The following TRIM63 variants were observed in gnomAD, a reference collection of about 807,000 sequenced individuals.
TRIM63 encodes E3 ubiquitin-protein ligase TRIM63.
Under a neutral mutation model 46.0 loss-of-function variants are expected in TRIM63, and 48 were observed. The observed-to-expected ratio is 1.04, with a 90% CI of 0.83 to 1.33. TRIM63 has a LOEUF of 1.33. Ranked by LOEUF, TRIM63 falls within the 40% of genes most tolerant of loss-of-function variation. The pLI is 0.00. For missense variants in TRIM63, 455 were observed against 441.2 expected (o/e 1.03, Z -0.28); for synonymous variants, 175 against 162.8 (o/e 1.08, Z -0.57).
chr1:26,058,620 TCTC>T lies in TRIM63; in HGVS notation c.598_600del (p.Glu200del). ...AGCTCTTCCTTTACCTGGTGACTGT[TCTC>T]CTGAGGACGGAAGTCTTGTGGTCAC... On this transcript the variant is annotated inframe_deletion and splice_region_variant, in exon 5 of 9. Transcript: ENST00000374272. 6.2e-7 allele frequency: 1 copy of T among 1,614,004 alleles called. No individual in the cohort carries two copies. The highest frequency in any genetic ancestry group is 8.5e-7 in the Non-Finnish European group (1 of 1,179,956).
In TRIM63 at chr1:26,067,628, T is replaced by C; in HGVS notation, c.-134A>G. On this transcript the variant is annotated 5_prime_UTR_variant, in exon 1 of 9. Coordinates refer to ENST00000374272, the MANE Select transcript of TRIM63 (RefSeq NM_032588.4). The stretch of plus-strand genomic sequence containing the variant: ...GGCTTCCTTCTCCTGGTGCCCGAAT[T>C]CTGTCTTGGTCTGAGGCCCCTCTGA... 1.1e-6 allele frequency: 1 copy of C among 939,304 alleles called. No homozygotes were observed. Among genetic ancestry groups the C allele is most frequent in the Non-Finnish European group, 1.6e-6 (1 of 640,582 alleles). 58.2% of individuals were successfully genotyped at this position (939,304 alleles called of 1,614,324 possible).
intron 4 of TRIM63, 84 bp downstream of exon 4, chr1:26,060,169 CCAACCTTTAGCCA>C (rs1426106535): frequency 8.8e-7 from 1 of 1,131,022 alleles, no homozygotes; most frequent in East Asian, 2.4e-5. Context: ...GCTCCGGGCC[CCAACCTTTAGCCA>C]CAACCTATGG....
chr1:26,053,163 C>G (rs1044966767), intron 8 of TRIM63, among the ~76,000 whole-genome samples: 3 of 152,070 alleles, frequency 2.0e-5, no homozygotes, highest in African/African-American at 7.2e-5. Context: ...AGGCTGGTCC[C>G]AAACTCCAGG....
Position 26,061,181 on chromosome 1 carries a change from G to GACA in TRIM63, c.483_485dup (p.Val162dup). On this transcript the variant is annotated inframe_insertion, in exon 3 of 9. Coordinates refer to ENST00000374272, the MANE Select transcript of TRIM63 (RefSeq NM_032588.4). ...GAGACAGTACCTTTTGTCCCTGGAA[G>GACA]ACACTCTGCAATGGGGCCACCTCGC... The GACA allele has an allele frequency of 6.2e-7, 1 of 1,614,034 alleles. No individual in the cohort carries two copies. Among genetic ancestry groups the GACA allele is most frequent in the Non-Finnish European group, 8.5e-7 (1 of 1,179,974 alleles).
chr1:26,062,701 G>A (rs1233640872), intron 2 of TRIM63, among the ~76,000 whole-genome samples: 2 of 152,176 alleles, frequency 1.3e-5, no homozygotes, highest in African/African-American at 4.8e-5. Flanking sequence ...CCTCCAACCT[G>A]TTATTTGTGC....
At chr1:26,061,578 T>G (rs2050626431) in intron 2 of TRIM63, among the ~76,000 whole-genome samples, 1 of 152,210 alleles carries the variant, frequency 6.6e-6, no homozygotes, top group Admixed American at 6.5e-5. Flanking sequence ...ACACCAAATC[T>G]GTCCCCACAT....
At chr1:26,067,106 G>T (rs532726441) in intron 1 of TRIM63, among the ~76,000 whole-genome samples, 7 of 152,170 alleles carry the variant, frequency 4.6e-5, no homozygotes, top group Admixed American at 1.3e-4. Flanking sequence ...GGGCAGGGGT[G>T]GGGGAGCTGT....
chr1:26,057,977 A>T (rs1394955320), intron 5 of TRIM63, among the ~76,000 whole-genome samples: 1 of 152,206 alleles, frequency 6.6e-6, no homozygotes, highest in Non-Finnish European at 1.5e-5. Context: ...CCTGGCCCAC[A>T]GTAGAAGCCT....
At position 26,061,307 on chromosome 1, in the gene TRIM63, G is replaced by A. The variant is rs576777880; in HGVS notation, c.360C>T (p.Pro120=). The A allele has an allele frequency of 4.4e-5, 71 of 1,614,158 alleles. No individual in the cohort carries two copies. The South Asian group carries it at 6.9e-4, about 16-fold the overall frequency. Residue 120 remains proline (P), a synonymous_variant, in exon 3 of 9, where the codon CCC becomes CCT. Coordinates refer to ENST00000374272, the MANE Select transcript of TRIM63 (RefSeq NM_032588.4). ...SSRPLQKGSH[P]MCKEHEDEKI... ...TCTCATCTTCGTGCTCCTTGCACAT[G>A]GGGTGACTGCCCTTCTGCAGCGGCC... is the stretch of plus-strand genomic sequence containing the variant.
chr1:26,066,334 A>G lies in TRIM63; in HGVS notation c.266T>C (p.Val89Ala), dbSNP rs2050677312. 2 of 1,613,878 alleles carry G rather than the reference A, an allele frequency of 1.2e-6. No individual in the cohort carries two copies. The highest frequency in any genetic ancestry group is 1.7e-6 in the Non-Finnish European group (2 of 1,179,982). The change falls in exon 2 of 9, where the codon GTG becomes GCG. Residue 89 changes from valine (V) to alanine (A), a missense_variant. Transcript: ENST00000374272. ...CAGCAGGTTCCTCTGCAGGCCGTAC[A>G]CTCCGTGACGATCCATGATCACCTC... is the stretch of plus-strand genomic sequence containing the variant. ...RHEVIMDRHGVYGLQRNLLVE... is the reference protein window; with the variant it reads ...RHEVIMDRHGAYGLQRNLLVE...
chr1:26,064,294 G>A (rs922546128), intron 2 of TRIM63, among the ~76,000 whole-genome samples: 3 of 152,052 alleles, frequency 2.0e-5, no homozygotes, highest in African/African-American at 2.4e-5. Flanking sequence ...AGCTGGGCAC[G>A]TTGGCACGCA....
chr1:26,065,688 G>A (rs1211294184), intron 2 of TRIM63, among the ~76,000 whole-genome samples: 5 of 152,198 alleles, frequency 3.3e-5, no homozygotes, highest in African/African-American at 1.2e-4. Context: ...TATTTTATTA[G>A]CAGGAAGACT....
chr1:26,060,350 A>G lies in TRIM63; in HGVS notation c.513T>C (p.Asn171=). 12 of 1,613,792 alleles carry G rather than the reference A, an allele frequency of 7.4e-6. No homozygotes were observed. Among genetic ancestry groups the G allele is most frequent in the Non-Finnish European group, 1.0e-5 (12 of 1,179,818 alleles). ...CCGCCACCAGCATGGAGATACAGTT[A>G]TTCAGTTCAGTCTAGATGGGGGTGT... The part of the protein sequence containing the change: ...SVFQGQKTEL[N]NCISMLVAGN... Residue 171 remains asparagine, a synonymous_variant, in exon 4 of 9, where the codon AAT becomes AAC. Coordinates refer to ENST00000374272, the MANE Select transcript of TRIM63 (RefSeq NM_032588.4).
At chr1:26,059,892 C>A (rs187751524) in intron 4 of TRIM63, among the ~76,000 whole-genome samples, 2 of 152,326 alleles carry the variant, frequency 1.3e-5, no homozygotes, top group Admixed American at 6.5e-5. Context: ...ATGATCCCAG[C>A]GTAATTTTCA....
intron 2 of TRIM63, among the ~76,000 whole-genome samples, chr1:26,062,818 C>A (rs1040656493): frequency 6.6e-6 from 1 of 152,122 alleles, no homozygotes; most frequent in Non-Finnish European, 1.5e-5. Context: ...GGCTGGAGTG[C>A]AGTGGTGTGA....
intron 7 of TRIM63, among the ~76,000 whole-genome samples, chr1:26,056,443 A>G (rs2050570942): frequency 6.6e-6 from 1 of 152,208 alleles, no homozygotes; most frequent in East Asian, 1.9e-4. Context: ...AGGGCTCTAC[A>G]GGACCTTTCT....
At chr1:26,058,947 G>A (rs920724521) in intron 4 of TRIM63, among the ~76,000 whole-genome samples, 1 of 151,636 alleles carries the variant, frequency 6.6e-6, no homozygotes, top group African/African-American at 2.4e-5. Context: ...AACCTCAGCT[G>A]GTCATTGGAG....
intron 2 of TRIM63, among the ~76,000 whole-genome samples, chr1:26,065,001 TTTGTG>T (rs1376044165): frequency 1.3e-5 from 2 of 151,364 alleles, no homozygotes; most frequent in African/African-American, 2.5e-5. Context: ...CTCCCAAATT[TTTGTG>T]TTGTGTTGTG....
intron 2 of TRIM63, among the ~76,000 whole-genome samples, chr1:26,062,542 C>T (rs1009619116): frequency 6.6e-6 from 1 of 152,208 alleles, no homozygotes; most frequent in African/African-American, 2.4e-5. Context: ...TGCCCCATGT[C>T]ATGGTGACTG....
Sources: allele counts gnomAD v4.1 joint callset (sites outside exome capture counted in the v4.1 genomes callset), GRCh38; gene constraint gnomAD v4.1.1; transcripts MANE v1.5; gene names NCBI Gene and HGNC (gene_info 2026-07-23, HGNC 2026-07-21).